Variants in MCM3AP observed in about 807,000 individuals in gnomAD.
The protein encoded by MCM3AP is germinal-center associated nuclear protein.
A neutral mutation model predicts 184.1 loss-of-function variants in MCM3AP; 126 were observed. The ratio of observed to expected loss-of-function variants is 0.68; its 90% CI spans 0.59 to 0.79. MCM3AP has a LOEUF of 0.79. Ranked by LOEUF, MCM3AP falls within the 30% of genes least tolerant of loss-of-function variation. The pLI is 0.00. For synonymous variants in MCM3AP, 1,002 were observed against 979.3 expected (o/e 1.02, Z -0.43); for missense variants, 2,496 against 2,479.2 (o/e 1.01, Z -0.14).
Position 46,284,062 on chromosome 21 carries a change from G to A in MCM3AP, c.1219+6C>T. 1 of 1,608,652 alleles carries A rather than the reference G, an allele frequency of 6.2e-7. No individual in the cohort carries two copies. The highest frequency in any genetic ancestry group is 1.3e-5 in the African/African-American group (1 of 74,734). On this transcript the variant is annotated splice_donor_region_variant and intron_variant, in intron 1 of 27. Transcript: ENST00000291688. ...TTACTCTATGTGCTACATTTTCAGA[G>A]CTCACCTTCTTTCTTCTCTCTACTT...
chr21:46,270,416 G>C lies in MCM3AP; in HGVS notation c.2613C>G (p.His871Gln). 6.2e-7 allele frequency: 1 copy of C among 1,612,904 alleles called. No individual in the cohort carries two copies. The highest frequency in any genetic ancestry group is 2.2e-5 in the East Asian group (1 of 44,862). ...ATTTACTCACCTGACTGAAGTAACA[G>C]TGTAAAAGACAAGCGTTCAGGTAAG... ...SASYLNACLL[H>Q]CYFSQIRKDA... Residue 871 changes from histidine to glutamine, a missense_variant, in exon 9 of 28, where the codon CAC (histidine) becomes CAG (glutamine). His to Gln is a conservative substitution (Grantham distance 24). Around this residue, in one of 5 missense-constraint regions of MCM3AP, gnomAD observed 138 missense variants for 191.9 expected, o/e 0.72. Transcript: ENST00000291688.
chr21:46,284,490 C>T lies in MCM3AP; in HGVS notation c.797G>A (p.Ser266Asn). ...ACACCCCTGCCTGACACCTGCTTTG[C>T]TAGCCTGGAAAGGTTCGCCCAAAAC... ...SAVLGEPFQA[S>N]KAGVRQGCEE... The change falls in exon 1 of 28, where the codon AGC (serine) becomes AAC (asparagine). Residue 266 changes from serine to asparagine, a missense_variant. Ser to Asn is a conservative substitution (Grantham distance 46). This residue lies in a region of MCM3AP where 800 missense variants were observed against 717.1 expected (regional missense o/e 1.12). Transcript: ENST00000291688. 1 of 1,614,174 alleles carries T rather than the reference C, an allele frequency of 6.2e-7. No homozygotes were observed. Among genetic ancestry groups the T allele is most frequent in the Non-Finnish European group, 8.5e-7 (1 of 1,180,046 alleles).
chr21:46,271,167 T>TC (rs2081174271), intron 8 of MCM3AP, among the ~76,000 whole-genome samples: 1 of 151,858 alleles, frequency 6.6e-6, no homozygotes, highest in African/African-American at 2.4e-5. Flanking sequence ...CAGTTTAATT[T>TC]TTTTTTTTTT....
Position 46,277,646 on chromosome 21 carries a change from T to G in MCM3AP, c.1739A>C (p.Glu580Ala), listed in dbSNP as rs1401583925. ...FEGDSFDSAS[E>A]GSEGLGPCVL... ...ACATGGCCCGAGGCCCTCGGAGCCC[T>G]CGGAGGCTGAGTCAAAAGAGTCTCC... The change falls in exon 5 of 28, where the codon GAG (glutamate) becomes GCG (alanine). Residue 580 changes from glutamate to alanine, a missense_variant. Glu to Ala is a moderately radical substitution (Grantham distance 107). Around this residue, in one of 5 missense-constraint regions of MCM3AP, gnomAD observed 800 missense variants for 717.1 expected, o/e 1.12. Transcript: ENST00000291688. 1 of 1,611,280 alleles carries G rather than the reference T, an allele frequency of 6.2e-7. No individual in the cohort carries two copies. The highest frequency in any genetic ancestry group is 1.7e-5 in the Admixed American group (1 of 59,614).
chr21:46,278,698 G>A (rs1385244018), intron 4 of MCM3AP, among the ~76,000 whole-genome samples: 2 of 151,716 alleles, frequency 1.3e-5, no homozygotes, highest in Non-Finnish European at 2.9e-5. Context: ...TTTTGAGATG[G>A]GGTCTCGCTC....
intron 7 of MCM3AP, among the ~76,000 whole-genome samples, 168 bp from the exon 8 acceptor site, chr21:46,272,997 GT>G (rs113954057): frequency 5.8e-4 from 85 of 146,878 alleles, no homozygotes; most frequent in African/African-American, 9.9e-4. Flanking sequence ...CCTGGGGTTT[GT>G]TTTTTTTTTT....
chr21:46,283,261 C>T (rs571808417), intron 2 of MCM3AP, among the ~76,000 whole-genome samples: 7 of 152,266 alleles, frequency 4.6e-5, no homozygotes, highest in African/African-American at 1.7e-4. Flanking sequence ...ACGTTTACAG[C>T]GATCATCTTC....
At chr21:46,283,553 ACAGGTTTT>A in intron 2 of MCM3AP, 54 bp downstream of exon 2, 5 of 1,190,872 alleles carry the variant, frequency 4.2e-6, no homozygotes, top group South Asian at 2.7e-5. Context: ...AAAAAAAAAA[ACAGGTTTT>A]AAAGTGACAA....
intron 25 of MCM3AP, 34 bp from the exon 26 acceptor site, chr21:46,241,051 A>AG (rs772691992): frequency 6.8e-7 from 1 of 1,475,872 alleles, no homozygotes; most frequent in Non-Finnish European, 9.4e-7. Context: ...TTTATGGTCA[A>AG]GAGAAAATAT....
rs1431273326 is a variant in MCM3AP, at chr21:46,265,471, A to G, written c.3084T>C (p.Ser1028=). 6.2e-7 allele frequency: 1 copy of G among 1,613,388 alleles called. No individual in the cohort carries two copies. The highest frequency in any genetic ancestry group is 1.3e-5 in the African/African-American group (1 of 74,844). Residue 1028 remains serine (S), a synonymous_variant, in exon 12 of 28, where the codon AGT becomes AGC. Coordinates refer to ENST00000291688, the MANE Select transcript of MCM3AP (RefSeq NM_003906.5). ...CGVEPDAPLS[S]LPQSLPAPAP... ...CAGGGGCTGGTAGAGACTGTGGGAG[A>G]CTGGACAGGGGTGCATCCGGCTCTA...
At chr21:46,263,597 C>G (rs1232863721) in intron 13 of MCM3AP, among the ~76,000 whole-genome samples, 4 of 151,388 alleles carry the variant, frequency 2.6e-5, no homozygotes, top group Non-Finnish European at 5.9e-5. Context: ...CATCCCTGGA[C>G]AACATGGCGA....
Position 46,279,987 on chromosome 21 carries a change from T to C in MCM3AP, c.1667+6A>G, listed in dbSNP as rs1461490647. 1 of 1,609,120 alleles carries C rather than the reference T, an allele frequency of 6.2e-7. No homozygotes were observed. The highest frequency in any genetic ancestry group is 8.5e-7 in the Non-Finnish European group (1 of 1,178,434). ...GAATAAGGTCATTAGGAGGGACCGA[T>C]CCCACCTTTTATTCAGGAGGCTGCT... is the stretch of plus-strand genomic sequence containing the variant. On this transcript the variant is annotated splice_donor_region_variant and intron_variant, in intron 4 of 27. Transcript: ENST00000291688.
intron 23 of MCM3AP, among the ~76,000 whole-genome samples, chr21:46,244,010 G>C (rs1178975202): frequency 6.6e-6 from 1 of 152,220 alleles, no homozygotes; most frequent in East Asian, 1.9e-4. Flanking sequence ...GCACCCAGAT[G>C]AGTCTGGTAT....
intron 9 of MCM3AP, among the ~76,000 whole-genome samples, chr21:46,268,387 CA>C (rs951459114): frequency 2.3e-4 from 35 of 152,298 alleles, no homozygotes; most frequent in African/African-American, 7.5e-4. Context: ...GCTGAGAGTA[CA>C]ACAGTGAACA....
rs1162561207 is a variant in MCM3AP, at chr21:46,243,006, C to CA, written c.5297-76dup. 1.0e-5 allele frequency: 13 copies of CA among 1,250,918 alleles called. No homozygotes were observed. The East Asian group carries it at 1.4e-4, about 14-fold the overall frequency. 77.5% of individuals were successfully genotyped at this position (1,250,918 alleles called of 1,614,324 possible). A position where few individuals can be genotyped will look rare whatever the true frequency, so the allele number is the denominator to read the frequency against. ...GTCTCAAAAAAAAAAAAAACACACA[C>CA]AAAAAAACAAAAACAGGTACAAATA... On this transcript the variant is annotated intron_variant, in intron 24 of 27. Transcript: ENST00000291688.
intron 2 of MCM3AP, among the ~76,000 whole-genome samples, chr21:46,283,362 TAAAGCCTTTCAGAAG>T (rs1485778687): frequency 6.6e-6 from 1 of 152,234 alleles, no homozygotes; most frequent in African/African-American, 2.4e-5. Context: ...TCTGAATTTC[TAAAGCCTTTCAGAAG>T]AATTTCACTT....
At position 46,242,934 on chromosome 21, in the gene MCM3AP, G is replaced by A. The variant is rs2080694193; in HGVS notation, c.5297-3C>T. 2 of 1,579,812 alleles carry A rather than the reference G, an allele frequency of 1.3e-6. No homozygotes were observed. The highest frequency in any genetic ancestry group is 1.7e-6 in the Non-Finnish European group (2 of 1,163,556). ...CTGACCATCTTCACTCAGCGCCTCT[G>A]AGAAAACAATACAAAAACAGATAAA... is the stretch of plus-strand genomic sequence containing the variant. On this transcript the variant is annotated splice_region_variant and splice_polypyrimidine_tract_variant and intron_variant, in intron 24 of 27. Transcript: ENST00000291688.
intron 13 of MCM3AP, among the ~76,000 whole-genome samples, chr21:46,262,556 G>C (rs2081053587): frequency 2.6e-5 from 4 of 152,110 alleles, no homozygotes; most frequent in African/African-American, 9.7e-5. Flanking sequence ...GCTGAGGTGA[G>C]AGGATGGCTT....
intron 9 of MCM3AP, 174 bp downstream of exon 9, chr21:46,270,227 G>C (rs1483070666): frequency 3.5e-6 from 2 of 563,974 alleles, no homozygotes; most frequent in Non-Finnish European, 6.2e-6. Context: ...GTGACCAACA[G>C]TGATAACCCC....
Sources: gnomAD v4.1 joint callset for allele counts (sites outside exome capture counted in the v4.1 genomes callset) on GRCh38, gnomAD v4.1.1 for gene constraint, gnomAD v4.1.1 regional missense constraint, MANE v1.5 for transcripts, NCBI Gene and HGNC (gene_info 2026-07-23, HGNC 2026-07-21) for gene names.